The following WDR33 variants were observed in gnomAD, a reference collection of about 807,000 sequenced individuals.
The protein encoded by WDR33 is WD repeat domain 33.
WDR33 carries 47 observed loss-of-function variants against 164.9 expected under a neutral mutation model. The observed-to-expected ratio is 0.29, with a 90% CI of 0.23 to 0.36. The LOEUF (loss-of-function observed/expected upper bound fraction) is 0.36. WDR33 is among the 10% of genes least tolerant of loss of function. The pLI is 1.00. For synonymous variants in WDR33, 505 were observed against 589.0 expected, an observed-to-expected ratio of 0.86 and a Z score of 2.06; for missense variants, 1,137 against 1,754.1, an observed-to-expected ratio of 0.65 and a Z score of 6.28.
chr2:127,757,905 A>G (rs1481911219), intron 7 of WDR33, among the ~76,000 whole-genome samples: 1 of 152,192 alleles, frequency 6.6e-6, no homozygotes, highest in Non-Finnish European at 1.5e-5. Flanking sequence ...TAAACCACCA[A>G]TGCAATCATG....
At chr2:127,744,383 A>G (rs987204072) in intron 7 of WDR33, among the ~76,000 whole-genome samples, 1 of 152,248 alleles carries the variant, frequency 6.6e-6, no homozygotes, top group Admixed American at 6.5e-5. Context: ...AATAAATTAC[A>G]GTAGATACAT....
At chr2:127,775,849 T>C (rs2105451885) in intron 1 of WDR33, among the ~76,000 whole-genome samples, 1 of 151,360 alleles carries the variant, frequency 6.6e-6, no homozygotes, top group Admixed American at 6.6e-5. Context: ...GAAATAAAGG[T>C]CAAGAATGAA....
chr2:127,720,261 AAAAGGCTGGGGTCCG>A lies in WDR33; in HGVS notation c.1749_1763del (p.Gly584_Phe588del). The A allele has an allele frequency of 6.4e-7, 1 of 1,560,384 alleles. No individual in the cohort carries two copies. Among genetic ancestry groups the A allele is most frequent in the Non-Finnish European group, 8.7e-7 (1 of 1,152,460 alleles). On this transcript the variant is annotated inframe_deletion, in exon 16 of 22. Coordinates refer to ENST00000322313, the MANE Select transcript of WDR33 (RefSeq NM_018383.5). The surrounding 1 kb of genome is among the most constrained non-coding windows in gnomAD (Gnocchi z 5.9). ...TCTGAGACATTGGACCTTGTCCTGGAAAAGGCTGGGGTCCGAGGAGAGGGGTGCCAGATGAGGGAG... is the reference window on the plus strand; with the variant it reads ...TCTGAGACATTGGACCTTGTCCTGGAAGGAGAGGGGTGCCAGATGAGGGAG...
intron 1 of WDR33, among the ~76,000 whole-genome samples, chr2:127,783,034 T>C (rs1380013597): frequency 6.6e-6 from 1 of 152,106 alleles, no homozygotes; most frequent in African/African-American, 2.4e-5. Flanking sequence ...TAAAATAAAG[T>C]ATACAGCAGG....
chr2:127,701,435 G>A lies in WDR33; in HGVS notation c.*4888C>T, dbSNP rs1167205292. ...CGCCGCAGGCCCTGCCCCTTTCGCC[G>A]TCGCCGACCAATTGCCGCCCGAAGA... On this transcript the variant is annotated 3_prime_UTR_variant, in exon 22 of 22. Transcript: ENST00000322313. 30 of 1,183,430 alleles carry A rather than the reference G, an allele frequency of 2.5e-5. No individual in the cohort carries two copies. The highest frequency in any genetic ancestry group is 9.6e-5 in the African/African-American group (6 of 62,720). The allele number at this position is 1,183,430 out of a possible 1,614,324, so 73.3% of individuals were successfully genotyped here. A position where few individuals can be genotyped will look rare whatever the true frequency, so the allele number is the denominator to read the frequency against.
rs898223218 is a variant in WDR33 at position 127,705,701 on chromosome 2, C to T, written c.*622G>A. 1 of 152,174 alleles carries T rather than the reference C, an allele frequency of 6.6e-6. No homozygotes were observed. Among genetic ancestry groups the T allele is most frequent in the African/African-American group, 2.4e-5 (1 of 41,440 alleles). The allele number at this position is 152,174 out of a possible 1,614,324, so 9.4% of individuals were successfully genotyped here. On this transcript the variant is annotated 3_prime_UTR_variant, in exon 22 of 22. Coordinates refer to ENST00000322313, the MANE Select transcript of WDR33 (RefSeq NM_018383.5). The surrounding 1 kb of genome is among the most constrained non-coding windows in gnomAD (Gnocchi z 4.5). ...ATGTCTGAATAAAAATTTGAACCTA[C>T]TACAAACTACATTAGAATAATTTTC...
rs1687740382 is a variant in WDR33, at chr2:127,763,558, T to C, written c.627-399A>G. ...ACGAATACTGCTCCCAAAATTATCA[T>C]CAGCTTCTGCCTCAGACACTTCATG... On this transcript the variant is annotated intron_variant, in intron 6 of 21. Transcript: ENST00000322313. The surrounding 1 kb of genome is among the most constrained non-coding windows in gnomAD (Gnocchi z 4.5). 1 of 1,014,586 alleles carries C rather than the reference T, an allele frequency of 9.9e-7. No individual in the cohort carries two copies. Among genetic ancestry groups the C allele is most frequent in the Non-Finnish European group, 1.2e-6 (1 of 847,736 alleles). 62.8% of individuals were successfully genotyped at this position (1,014,586 alleles called of 1,614,324 possible). A position where few individuals can be genotyped will look rare whatever the true frequency, so the allele number is the denominator to read the frequency against.
chr2:127,740,178 C>A lies in WDR33; in HGVS notation c.725-13401G>T, dbSNP rs1049576304. Reference sequence around the variant, plus strand: ...CTGAGAAGATGATACCAATCACTTCCTTTTTACTTGTGGTGTGAATGTCTG... The same window carrying A: ...CTGAGAAGATGATACCAATCACTTCATTTTTACTTGTGGTGTGAATGTCTG... On this transcript the variant is annotated intron_variant, in intron 7 of 21. Transcript: ENST00000322313. Among the ~76,000 whole-genome samples, 3 of 152,112 alleles carry A rather than the reference C, an allele frequency of 2.0e-5. 1 individual carries two copies. In the South Asian group the frequency reaches 6.2e-4, roughly 32 times the overall value.
chr2:127,735,599 G>C lies in WDR33; in HGVS notation c.725-8822C>G. On this transcript the variant is annotated intron_variant, in intron 7 of 21. Transcript: ENST00000322313. The surrounding 1 kb of genome is among the most constrained non-coding windows in gnomAD (Gnocchi z 4.3). The stretch of plus-strand genomic sequence containing the variant: ...CAATATTAACAGAACTGTTACTCAA[G>C]AAAATGTGTTAAACATTAACAGCAA... 1.0e-6 allele frequency: 1 copy of C among 985,742 alleles called. No individual in the cohort carries two copies. The highest frequency in any genetic ancestry group is 1.7e-5 in the African/African-American group (1 of 57,320). The allele number at this position is 985,742 out of a possible 1,614,324, so 61.1% of individuals were successfully genotyped here. A position where few individuals can be genotyped will look rare whatever the true frequency, so the allele number is the denominator to read the frequency against.
chr2:127,758,394 A>G (rs1026842687), intron 7 of WDR33, among the ~76,000 whole-genome samples: 16 of 152,172 alleles, frequency 1.1e-4, no homozygotes, highest in African/African-American at 3.9e-4. Flanking sequence ...CTTATAAATT[A>G]TATGACCTCT....
rs1685933886 is a variant in WDR33 at position 127,703,122 on chromosome 2, C to CTG, written c.*3199_*3200dup. The CTG allele has an allele frequency of 6.0e-6, 1 of 167,040 alleles. No homozygotes were observed. Among genetic ancestry groups the CTG allele is most frequent in the African/African-American group, 2.4e-5 (1 of 41,436 alleles). The allele number at this position is 167,040 out of a possible 1,614,324, so 10.3% of individuals were successfully genotyped here. A position where few individuals can be genotyped will look rare whatever the true frequency, so the allele number is the denominator to read the frequency against. ...TGCCAGAAGGTATGAGCCTAACATT[C>CTG]TGATGAGTCCAGAAAACTACGTTTT... On this transcript the variant is annotated 3_prime_UTR_variant, in exon 22 of 22. Coordinates refer to ENST00000322313, the MANE Select transcript of WDR33 (RefSeq NM_018383.5).
Position 127,735,137 on chromosome 2 carries a change from G to A in WDR33, c.725-8360C>T, listed in dbSNP as rs1411177883. Among the ~76,000 whole-genome samples, 1 of 152,182 alleles carries A rather than the reference G, an allele frequency of 6.6e-6. No individual in the cohort carries two copies. Among genetic ancestry groups the A allele is most frequent in the Non-Finnish European group, 1.5e-5 (1 of 68,024 alleles). ...GAACCGTAAAGTGTAGTGCAGTGAA[G>A]GCTAGAACCAGTAAGGGCAGAAGGT... On this transcript the variant is annotated intron_variant, in intron 7 of 21. Coordinates refer to ENST00000322313, the MANE Select transcript of WDR33 (RefSeq NM_018383.5). This position sits in a 1 kb window ranked among gnomAD's most constrained non-coding sequence, Gnocchi z 4.3.
chr2:127,792,734 C>A (rs1001453011), intron 1 of WDR33, among the ~76,000 whole-genome samples: 2 of 151,944 alleles, frequency 1.3e-5, no homozygotes, highest in Non-Finnish European at 2.9e-5. Flanking sequence ...AAAACTTGAT[C>A]CATTCACAAA....
intron 7 of WDR33, among the ~76,000 whole-genome samples, chr2:127,750,677 A>AT (rs1553475055): frequency 8.4e-5 from 3 of 35,800 alleles, no homozygotes; most frequent in African/African-American, 1.5e-4. Flanking sequence ...AAAAAAAAAA[A>AT]ATATATATAT....
Position 127,795,102 on chromosome 2 carries a change from C to CTTTTTTTT in WDR33, c.-24+15902_-24+15909dup, listed in dbSNP as rs552910693. Among the ~76,000 whole-genome samples the CTTTTTTTT allele has an allele frequency of 3.9e-3, 517 of 131,076 alleles. 18 individuals are homozygous for CTTTTTTTT. The highest frequency in any genetic ancestry group is 0.012 in the African/African-American group (407 of 33,374). 86.0% of individuals were successfully genotyped at this position (131,076 alleles called of 152,430 possible). On this transcript the variant is annotated intron_variant, in intron 1 of 21. Transcript: ENST00000322313. ...AGTAAGTTATGAAGCAATAACTTCT[C>CTTTTTTTT]TTTTTTTTTTTTTTTTGAGAGGGAG... is the stretch of plus-strand genomic sequence containing the variant.
intron 7 of WDR33, chr2:127,737,737 C>A (rs1196320217): frequency 8.4e-7 from 1 of 1,190,546 alleles, no homozygotes; most frequent in African/African-American, 1.6e-5. Context: ...TGGAGCACTT[C>A]CATGGTAAGC....
In WDR33 at chr2:127,719,642, C is replaced by T; in HGVS notation, c.2383G>A (p.Gly795Ser). ...ATAATCATCCCTTGGGGAGCAGGAC[C>T]CTGGTTCTCCCGGGGGCCTGGAGGC... ...QGPPGPRENQ[G>S]PAPQGMIMGH... The change falls in exon 16 of 22, where the codon GGT becomes AGT. Residue 795 changes from glycine to serine, a missense_variant. Gly to Ser is a moderately conservative substitution (Grantham distance 56). Coordinates refer to ENST00000322313, the MANE Select transcript of WDR33 (RefSeq NM_018383.5). The surrounding 1 kb of genome is among the most constrained non-coding windows in gnomAD (Gnocchi z 6.5). 6.2e-7 allele frequency: 1 copy of T among 1,613,776 alleles called. No homozygotes were observed.
At chr2:127,744,435 C>A (rs2105406336) in intron 7 of WDR33, among the ~76,000 whole-genome samples, 1 of 152,158 alleles carries the variant, frequency 6.6e-6, no homozygotes, top group East Asian at 1.9e-4. Context: ...AGAAAAATGA[C>A]CTTAATATAC....
chr2:127,748,852 C>T (rs1036961403), intron 7 of WDR33, among the ~76,000 whole-genome samples: 36 of 148,520 alleles, frequency 2.4e-4, no homozygotes, highest in African/African-American at 8.5e-4. Flanking sequence ...TCAAGTGATC[C>T]TCCTAACAGG....
Sources: allele counts gnomAD v4.1 joint callset (sites outside exome capture counted in the v4.1 genomes callset), GRCh38; gene constraint gnomAD v4.1.1; non-coding constraint Gnocchi (gnomAD v3.1); transcripts MANE v1.5; gene names NCBI Gene and HGNC (gene_info 2026-07-23, HGNC 2026-07-21).